Variants in KCNK13 observed in about 807,000 individuals in gnomAD.
KCNK13 encodes the protein potassium channel subfamily K member 13.
Under a neutral mutation model 23.4 loss-of-function variants are expected in KCNK13, and 12 were observed. The ratio of observed to expected loss-of-function variants is 0.51; its 90% CI spans 0.33 to 0.83. The LOEUF (loss-of-function observed/expected upper bound fraction) is 0.83. Among genes scored for constraint, KCNK13 ranks in the 40% least tolerant of loss-of-function variants. KCNK13 has a pLI of 0.02. For missense variants in KCNK13, 463 were observed against 556.3 expected (o/e 0.83, Z 1.69); for synonymous variants, 231 against 229.5 (o/e 1.01, Z -0.06).
intron 1 of KCNK13, among the ~76,000 whole-genome samples, chr14:90,085,129 A>G (rs1443984361): frequency 1.3e-5 from 2 of 151,696 alleles, no homozygotes; most frequent in East Asian, 4.0e-4. Context: ...TTTTTAGTAG[A>G]GATGGGGTTT....
intron 1 of KCNK13, among the ~76,000 whole-genome samples, chr14:90,178,556 C>T (rs868279852): frequency 6.6e-6 from 1 of 152,074 alleles, no homozygotes; most frequent in African/African-American, 2.4e-5. Flanking sequence ...TCCCAAAGTG[C>T]TGGGATTACA....
chr14:90,107,742 TC>T (rs929377632), intron 1 of KCNK13: 3 of 798,922 alleles, frequency 3.8e-6, no homozygotes, highest in African/African-American at 3.4e-5. Context: ...AAGCCCACCT[TC>T]CCATTCTGCA....
chr14:90,073,398 C>T (rs895231771), intron 1 of KCNK13, among the ~76,000 whole-genome samples: 1 of 152,194 alleles, frequency 6.6e-6, no homozygotes, highest in Non-Finnish European at 1.5e-5. Flanking sequence ...GTACCCGCCC[C>T]CAGGACTTTC....
At chr14:90,173,248 T>C (rs528635118) in intron 1 of KCNK13, among the ~76,000 whole-genome samples, 3 of 152,238 alleles carry the variant, frequency 2.0e-5, no homozygotes, top group East Asian at 1.9e-4. Context: ...TCCCAGCTAC[T>C]TGGGAGGCTG....
intron 1 of KCNK13, among the ~76,000 whole-genome samples, chr14:90,115,288 C>T (rs146052092): frequency 3.3e-4 from 50 of 152,284 alleles, no homozygotes; most frequent in Middle Eastern, 3.4e-3. Flanking sequence ...GAGTGGTAAA[C>T]GTTCCTCACA....
At chr14:90,083,687 A>G (rs1415437925) in intron 1 of KCNK13, among the ~76,000 whole-genome samples, 1 of 152,208 alleles carries the variant, frequency 6.6e-6, no homozygotes. Flanking sequence ...TGACAGCAAG[A>G]AGACCCTTTC....
chr14:90,062,662 T>G lies in KCNK13; in HGVS notation c.334+123T>G, dbSNP rs1051568528. ...GGCGCCCAGCCAGACTCCACTGACA[T>G]GAGCTGTCGCCTGATCAACAGGTGG... On this transcript the variant is annotated intron_variant, in intron 1 of 1. Transcript: ENST00000282146. This position sits in a 1 kb window ranked among gnomAD's most constrained non-coding sequence, Gnocchi z 4.5. 9.9e-6 allele frequency: 7 copies of G among 704,550 alleles called. No individual in the cohort carries two copies. The highest frequency in any genetic ancestry group is 1.6e-5 in the Non-Finnish European group (7 of 446,036). The allele number at this position is 704,550 out of a possible 1,614,324, so 43.6% of individuals were successfully genotyped here. A position where few individuals can be genotyped will look rare whatever the true frequency, so the allele number is the denominator to read the frequency against.
intron 1 of KCNK13, among the ~76,000 whole-genome samples, chr14:90,179,277 C>T (rs12432906): frequency 0.018 from 2,710 of 150,944 alleles, 99 homozygotes; most frequent in African/African-American, 0.063. Flanking sequence ...ATACTTTCTG[C>T]TCTGCCTTTG....
At chr14:90,142,543 C>T (rs1411060448) in intron 1 of KCNK13, among the ~76,000 whole-genome samples, 1 of 151,970 alleles carries the variant, frequency 6.6e-6, no homozygotes, top group Non-Finnish European at 1.5e-5. Flanking sequence ...TAGTCTCGAT[C>T]TCCTGACCTC....
At chr14:90,132,182 G>A (rs1228567594) in intron 1 of KCNK13, among the ~76,000 whole-genome samples, 3 of 152,246 alleles carry the variant, frequency 2.0e-5, no homozygotes, top group South Asian at 2.1e-4. Flanking sequence ...AGCCAGTCAC[G>A]AAAGGACAAA....
intron 1 of KCNK13, among the ~76,000 whole-genome samples, chr14:90,092,806 G>A (rs767906548): frequency 1.3e-4 from 20 of 151,130 alleles, no homozygotes; most frequent in Non-Finnish European, 2.8e-4. Context: ...CCTCTACTCA[G>A]GAGGCTGAAG....
rs577449538 is a variant in KCNK13, at chr14:90,125,548, C to T, written c.335-58563C>T. Among the ~76,000 whole-genome samples, 6 of 151,694 alleles carry T rather than the reference C, an allele frequency of 4.0e-5. No individual in the cohort carries two copies. The South Asian group carries it at 1.0e-3, about 26-fold the overall frequency. Reference sequence around the variant, plus strand: ...GATCTACTTAATTTTAATATGAAAGCTCATGGTAAAATCATATGTACCAAA... The same window carrying T: ...GATCTACTTAATTTTAATATGAAAGTTCATGGTAAAATCATATGTACCAAA... On this transcript the variant is annotated intron_variant, in intron 1 of 1. Coordinates refer to ENST00000282146, the MANE Select transcript of KCNK13 (RefSeq NM_022054.4).
chr14:90,078,633 G>A (rs559790373), intron 1 of KCNK13, among the ~76,000 whole-genome samples: 86 of 152,146 alleles, frequency 5.7e-4, no homozygotes, highest in African/African-American at 2.0e-3. Flanking sequence ...AGGCAGGCAG[G>A]CAGGCATGCT....
intron 1 of KCNK13, among the ~76,000 whole-genome samples, chr14:90,088,106 G>A (rs981431140): frequency 1.3e-5 from 2 of 152,048 alleles, no homozygotes; most frequent in African/African-American, 4.8e-5. Context: ...GGGTTTAAGC[G>A]GTTCTTACAC....
rs528249389 is a variant in KCNK13, at chr14:90,117,362, G to A, written c.334+54823G>A. Among the ~76,000 whole-genome samples, 16 of 152,206 alleles carry A rather than the reference G, an allele frequency of 1.1e-4. No individual in the cohort carries two copies. In the South Asian group the frequency reaches 3.3e-3, roughly 32 times the overall value. On this transcript the variant is annotated intron_variant, in intron 1 of 1. Transcript: ENST00000282146. ...CCCAGCACTTTGGGAGGCTGAGGAA[G>A]GTGGATCACCTGAGGTCAGGAGTTT...
intron 1 of KCNK13, among the ~76,000 whole-genome samples, chr14:90,128,394 T>C (rs974322491): frequency 2.6e-5 from 4 of 152,184 alleles, no homozygotes; most frequent in Admixed American, 6.5e-5. Context: ...CAGGGGCCTC[T>C]TTATCCTTTT....
At chr14:90,152,703 C>G (rs1415107270) in intron 1 of KCNK13, among the ~76,000 whole-genome samples, 1 of 152,164 alleles carries the variant, frequency 6.6e-6, no homozygotes, top group Non-Finnish European at 1.5e-5. Flanking sequence ...ACAGTAGCCT[C>G]ATAGTCTATT....
intron 1 of KCNK13, among the ~76,000 whole-genome samples, chr14:90,166,052 C>T (rs1890299001): frequency 6.6e-6 from 1 of 152,168 alleles, no homozygotes; most frequent in Admixed American, 6.5e-5. Flanking sequence ...TCAGCTTATA[C>T]AGTTAGAATA....
At chr14:90,068,946 C>T (rs1392684355) in intron 1 of KCNK13, among the ~76,000 whole-genome samples, 2 of 151,890 alleles carry the variant, frequency 1.3e-5, no homozygotes, top group East Asian at 1.9e-4. Context: ...GAAGATGACC[C>T]GGCTCATGAG....
Sources: gnomAD v4.1 joint callset for allele counts (sites outside exome capture counted in the v4.1 genomes callset) on GRCh38, gnomAD v4.1.1 for gene constraint, Gnocchi (gnomAD v3.1) non-coding constraint, MANE v1.5 for transcripts, NCBI Gene and HGNC (gene_info 2026-07-23, HGNC 2026-07-21) for gene names.